LAMC1: variants seen among roughly 807,000 people sequenced by gnomAD.
The protein encoded by LAMC1 is laminin subunit gamma-1.
Under a neutral mutation model 173.6 loss-of-function variants are expected in LAMC1, and 38 were observed. The ratio of observed to expected loss-of-function variants is 0.22; its 90% CI spans 0.17 to 0.29. LAMC1 has a LOEUF of 0.29. Among genes scored for constraint, LAMC1 ranks in the 10% least tolerant of loss-of-function variants. The probability of loss-of-function intolerance (pLI) is 1.00; values close to 1 mark genes in which losing one functional copy is unlikely to be tolerated. For missense variants in LAMC1, 1,824 were observed against 2,051.8 expected (o/e 0.89, Z 2.14); for synonymous variants, 746 against 749.1 (o/e 1.00, Z 0.07).
chr1:183,124,858 C>G lies in LAMC1; in HGVS notation c.2629C>G (p.Pro877Ala). Residue 877 changes from proline to alanine, a missense_variant, in exon 14 of 28, where the codon CCA becomes GCA. By Grantham distance (27) the Pro-to-Ala change is conservative. Transcript: ENST00000258341. The part of the protein sequence containing the change: ...GFFGNPLAPN[P>A]ADKCKACNCN... ...TTTTGGAAATCCCCTGGCTCCCAATCCAGCAGACAAATGCAAAGGTAATCA... is the reference window on the plus strand; with the variant it reads ...TTTTGGAAATCCCCTGGCTCCCAATGCAGCAGACAAATGCAAAGGTAATCA... 3 of 1,614,126 alleles carry G rather than the reference C, an allele frequency of 1.9e-6. No individual in the cohort carries two copies. The highest frequency in any genetic ancestry group is 3.3e-5 in the Admixed American group (2 of 60,024).
chr1:183,132,409 G>A lies in LAMC1; in HGVS notation c.3576G>A (p.Gln1192=), dbSNP rs1268102517. Residue 1192 remains glutamine, a synonymous_variant, in exon 21 of 28, where the codon CAG becomes CAA. Transcript: ENST00000258341. ...EARKLAERHK[Q]EADDIVRVAK... is the part of the protein sequence containing the mutation. ...TGTTTTATCTGTATAGTCATAAACAGGAAGCTGATGACATTGTTCGAGTGG... is the reference window on the plus strand; with the variant it reads ...TGTTTTATCTGTATAGTCATAAACAAGAAGCTGATGACATTGTTCGAGTGG... The A allele has an allele frequency of 2.0e-5, 33 of 1,613,682 alleles. No individual in the cohort carries two copies. Among genetic ancestry groups the A allele is most frequent in the Non-Finnish European group, 2.8e-5 (33 of 1,179,710 alleles).
At chr1:183,046,034 G>A (rs1416209601) in intron 1 of LAMC1, among the ~76,000 whole-genome samples, 2 of 151,966 alleles carry the variant, frequency 1.3e-5, no homozygotes, top group Non-Finnish European at 2.9e-5. Flanking sequence ...ATCTTCCAGT[G>A]TGTCCAGTGT....
At chr1:183,114,172 C>A (rs983996304) in intron 4 of LAMC1, among the ~76,000 whole-genome samples, 1 of 152,158 alleles carries the variant, frequency 6.6e-6, no homozygotes, top group African/African-American at 2.4e-5. Flanking sequence ...CAGGCTCAAG[C>A]GATTCTCTTG....
intron 11 of LAMC1, among the ~76,000 whole-genome samples, chr1:183,119,057 C>G (rs907522332): frequency 1.6e-4 from 24 of 152,026 alleles, no homozygotes; most frequent in African/African-American, 5.8e-4. Flanking sequence ...CCACCACACC[C>G]AGCTAATTTT....
chr1:183,118,203 T>C, intron 11 of LAMC1, 57 bp downstream of exon 11: 10 of 1,025,976 alleles, frequency 9.7e-6, no homozygotes, highest in Non-Finnish European at 1.5e-5. Context: ...TTAGAAAGAT[T>C]CATGATAATG....
chr1:183,121,965 T>A, intron 12 of LAMC1, 21 bp downstream of exon 12: 1 of 1,611,522 alleles, frequency 6.2e-7, no homozygotes, highest in South Asian at 1.1e-5. Flanking sequence ...CTTTGGCAGC[T>A]CTTAGACCTA....
chr1:183,137,853 A>G (rs1302143053), intron 26 of LAMC1, 26 bp downstream of exon 26: 3 of 1,575,364 alleles, frequency 1.9e-6, no homozygotes, highest in South Asian at 2.4e-5. Flanking sequence ...ATATTTGCTC[A>G]TTGGCAGAAA....
chr1:183,056,387 G>A lies in LAMC1; in HGVS notation c.418+32253G>A, dbSNP rs574240850. On this transcript the variant is annotated intron_variant, in intron 1 of 27. Transcript: ENST00000258341. ...GATACTTGACGCTTGCCATATATGG[G>A]CTCCTCTTGCTCCCAGTTTCTGTTT... 6.0e-4 allele frequency among the ~76,000 whole-genome samples: 92 copies of A among 152,206 alleles called. No homozygotes were observed. In the South Asian group the frequency reaches 7.9e-3, roughly 13 times the overall value.
intron 3 of LAMC1, 36 bp downstream of exon 3, chr1:183,108,442 G>T: frequency 6.3e-7 from 1 of 1,593,628 alleles, no homozygotes; most frequent in South Asian, 1.1e-5. Flanking sequence ...GAAAGTGTTT[G>T]GAGCTTTTGC....
chr1:183,050,781 C>T (rs1305714710), intron 1 of LAMC1, among the ~76,000 whole-genome samples: 1 of 150,146 alleles, frequency 6.7e-6, no homozygotes, highest in Admixed American at 6.6e-5. Flanking sequence ...ATCTCAGGTA[C>T]CTGGGAGGCT....
intron 18 of LAMC1, among the ~76,000 whole-genome samples, chr1:183,130,093 T>C (rs1489570593): frequency 6.6e-6 from 1 of 152,130 alleles, no homozygotes; most frequent in African/African-American, 2.4e-5. Flanking sequence ...AGACCAGCGA[T>C]ATAGTGGTGA....
chr1:183,040,089 TTCAA>T (rs1405819324), intron 1 of LAMC1, among the ~76,000 whole-genome samples: 4 of 152,182 alleles, frequency 2.6e-5, no homozygotes, highest in African/African-American at 9.7e-5. Flanking sequence ...TCTAGTGGTT[TTCAA>T]TTATGAAATG....
At chr1:183,085,522 T>C (rs946912929) in intron 1 of LAMC1, among the ~76,000 whole-genome samples, 2 of 151,938 alleles carry the variant, frequency 1.3e-5, no homozygotes, top group Admixed American at 1.3e-4. Context: ...GCCACCATGC[T>C]TGGCTAATTT....
intron 8 of LAMC1, 173 bp downstream of exon 8, chr1:183,117,076 T>C (rs1656343831): frequency 1.3e-6 from 1 of 746,508 alleles, no homozygotes; most frequent in African/African-American, 1.8e-5. Context: ...AAATGTACTT[T>C]TGGCTTTAGA....
At chr1:183,035,159 A>C (rs548289536) in intron 1 of LAMC1, among the ~76,000 whole-genome samples, 2 of 152,120 alleles carry the variant, frequency 1.3e-5, no homozygotes, top group African/African-American at 2.4e-5. Flanking sequence ...AGGGCTTTAC[A>C]CTTAAGAACA....
chr1:183,112,159 A>G (rs531879309), intron 4 of LAMC1, among the ~76,000 whole-genome samples: 101 of 152,274 alleles, frequency 6.6e-4, no homozygotes, highest in African/African-American at 2.4e-3. Context: ...CTTTTCAACA[A>G]ATCCTAAGAT....
At chr1:183,033,640 A>C (rs548400385) in intron 1 of LAMC1, among the ~76,000 whole-genome samples, 2 of 152,280 alleles carry the variant, frequency 1.3e-5, no homozygotes, top group African/African-American at 4.8e-5. Context: ...TCTCTTATTG[A>C]GCCTTTTAGA....
chr1:183,045,484 A>G (rs1194664009), intron 1 of LAMC1, among the ~76,000 whole-genome samples: 1 of 151,938 alleles, frequency 6.6e-6, no homozygotes, highest in East Asian at 1.9e-4. Context: ...TTGCCAATTG[A>G]AAAAAAAGTT....
At chr1:183,056,919 T>G (rs989719403) in intron 1 of LAMC1, among the ~76,000 whole-genome samples, 2 of 151,858 alleles carry the variant, frequency 1.3e-5, no homozygotes, top group African/African-American at 4.9e-5. Context: ...TTTACTTTAG[T>G]TGGTAGGTAT....
Sources: allele counts gnomAD v4.1 joint callset (sites outside exome capture counted in the v4.1 genomes callset), GRCh38; gene constraint gnomAD v4.1.1; transcripts MANE v1.5; gene names NCBI Gene and HGNC (gene_info 2026-07-23, HGNC 2026-07-21).